MMP2: variants seen among roughly 807,000 people sequenced by gnomAD.
MMP2 encodes 72 kDa type IV collagenase.
MMP2 carries 39 observed loss-of-function variants against 74.8 expected under a neutral mutation model. The ratio of observed to expected loss-of-function variants is 0.52; its 90% confidence interval spans 0.40 to 0.68. The LOEUF (loss-of-function observed/expected upper bound fraction) is 0.68. Ranked by LOEUF, MMP2 falls within the 30% of genes least tolerant of loss-of-function variation. The probability of loss-of-function intolerance (pLI) is 0.00; values close to 1 mark genes in which losing one functional copy is unlikely to be tolerated. For synonymous variants in MMP2, 367 were observed against 339.8 expected, an observed-to-expected ratio of 1.08 and a Z score of -0.88; for missense variants, 803 against 878.3, an observed-to-expected ratio of 0.91 and a Z score of 1.08.
intron 9 of MMP2, among the ~76,000 whole-genome samples, chr16:55,494,871 A>G (rs1445952724): frequency 2.6e-5 from 4 of 152,252 alleles, no homozygotes; most frequent in Non-Finnish European, 5.9e-5. Flanking sequence ...AAGGAGAAGC[A>G]AGAATCTGAT....
In MMP2 at chr16:55,479,324, A is replaced by C. The variant is rs1240606144; in HGVS notation, c.-156A>C. On this transcript the variant is annotated 5_prime_UTR_variant, in exon 1 of 13. It removes an upstream start codon present in the reference 5' UTR. Coordinates refer to ENST00000219070, the MANE Select transcript of MMP2 (RefSeq NM_004530.6). ...GGGGCTGGGGCGCGGGGGCCGGACC[A>C]TGAGCCGCTGAGCCGGGCAAACCCC... The C allele has an allele frequency of 1.4e-5, 12 of 877,806 alleles. No homozygotes were observed. The highest frequency in any genetic ancestry group is 4.5e-6 in the Non-Finnish European group (3 of 664,484). The allele number at this position is 877,806 out of a possible 1,614,324, so 54.4% of individuals were successfully genotyped here. A position where few individuals can be genotyped will look rare whatever the true frequency, so the allele number is the denominator to read the frequency against.
chr16:55,498,079 C>A (rs1349162597), intron 10 of MMP2, among the ~76,000 whole-genome samples: 1 of 152,186 alleles, frequency 6.6e-6, no homozygotes, highest in African/African-American at 2.4e-5. Context: ...TATCCCCCAA[C>A]TCATGTCCTT....
intron 12 of MMP2, among the ~76,000 whole-genome samples, 164 bp from the exon 13 acceptor site, chr16:55,505,175 G>A (rs1397507083): frequency 6.6e-6 from 1 of 151,760 alleles, no homozygotes; most frequent in African/African-American, 2.4e-5. Flanking sequence ...AGCTGGTCTC[G>A]AACTCCTGGG....
At chr16:55,503,083 G>A (rs1296349177) in intron 12 of MMP2, among the ~76,000 whole-genome samples, 195 bp downstream of exon 12, 1 of 152,204 alleles carries the variant, frequency 6.6e-6, no homozygotes, top group Non-Finnish European at 1.5e-5. Flanking sequence ...CTGGCTCCAG[G>A]CAGTAAGACC....
In MMP2 at chr16:55,479,355, A is replaced by G; in HGVS notation, c.-125A>G. 1.7e-6 allele frequency: 2 copies of G among 1,185,358 alleles called. No individual in the cohort carries two copies. The highest frequency in any genetic ancestry group is 2.2e-6 in the Non-Finnish European group (2 of 923,506). The allele number at this position is 1,185,358 out of a possible 1,614,324, so 73.4% of individuals were successfully genotyped here. A position where few individuals can be genotyped will look rare whatever the true frequency, so the allele number is the denominator to read the frequency against. ...CGCTGAGCCGGGCAAACCCCAGGCC[A>G]CCGAGCCAGCGGACCCTCGGAGCGC... On this transcript the variant is annotated 5_prime_UTR_variant, in exon 1 of 13. Coordinates refer to ENST00000219070, the MANE Select transcript of MMP2 (RefSeq NM_004530.6).
At chr16:55,485,260 G>A in intron 3 of MMP2, 39 bp from the exon 4 acceptor site, 1 of 1,613,952 alleles carries the variant, frequency 6.2e-7, no homozygotes, top group Non-Finnish European at 8.5e-7. Context: ...CAGGGTCTAG[G>A]TGGCACAGCT....
chr16:55,485,224 C>A (rs17859885), intron 3 of MMP2, 75 bp from the exon 4 acceptor site: 37,811 of 1,606,728 alleles, frequency 0.024, 544 homozygotes, highest in Non-Finnish European at 0.027. Context: ...ACAGGCTCCA[C>A]ATGTAGATGG....
At position 55,497,182 on chromosome 16, in the gene MMP2, C is replaced by T. The variant is rs559591689; in HGVS notation, c.1609+120C>T. 32 of 1,334,566 alleles carry T rather than the reference C, an allele frequency of 2.4e-5. No homozygotes were observed. In the South Asian group the frequency reaches 3.7e-4, roughly 15 times the overall value. The allele number at this position is 1,334,566 out of a possible 1,614,324, so 82.7% of individuals were successfully genotyped here. On this transcript the variant is annotated intron_variant, in intron 10 of 12. Coordinates refer to ENST00000219070, the MANE Select transcript of MMP2 (RefSeq NM_004530.6). ...AGTTCCTATGCACCCGTGGGTGCTC[C>T]CTTTCCTTTATGGATTCATTCTTTC...
Position 55,502,811 on chromosome 16 carries a change from G to T in MMP2, c.1802G>T (p.Gly601Val), listed in dbSNP as rs142010233. 3.8e-4 allele frequency: 617 copies of T among 1,614,054 alleles called. 4 individuals are homozygous for T. The African/African-American group carries it at 7.8e-3, about 20-fold the overall frequency. ...GAGGTGAAGAAGAAAATGGATCCTG[G>T]CTTCCCCAAGCTCATCGCAGATGCC... is the stretch of plus-strand genomic sequence containing the variant. ...YNEVKKKMDP[G>V]FPKLIADAWN... is the part of the protein sequence containing the mutation. The change falls in exon 12 of 13, where the codon GGC becomes GTC. Residue 601 changes from glycine (G) to valine (V), a missense_variant. Gly to Val is a moderately radical substitution (Grantham distance 109). Coordinates refer to ENST00000219070, the MANE Select transcript of MMP2 (RefSeq NM_004530.6).
At chr16:55,489,606 C>T (rs758063137) in intron 6 of MMP2, 45 bp from the exon 7 acceptor site, 3 of 1,610,544 alleles carry the variant, frequency 1.9e-6, no homozygotes, top group East Asian at 4.5e-5. Flanking sequence ...TGGTGGTAGC[C>T]TCAGACTCTT....
rs759284481 is a variant in MMP2 at position 55,496,939 on chromosome 16, A to T, written c.1486A>T (p.Thr496Ser). Residue 496 changes from threonine (T) to serine (S), a missense_variant, in exon 10 of 13, where the codon ACT becomes TCT. Around this residue, in one of 3 missense-constraint regions of MMP2, gnomAD observed 555 missense variants for 592.0 expected, o/e 0.94. Coordinates refer to ENST00000219070, the MANE Select transcript of MMP2 (RefSeq NM_004530.6). ...GCCTCCTGCCAGGTTCATTTGGCGG[A>T]CTGTGACGCCACGTGACAAGCCCAT... ...FFFKDRFIWR[T>S]VTPRDKPMGP... 24 of 1,613,892 alleles carry T rather than the reference A, an allele frequency of 1.5e-5. No individual in the cohort carries two copies. The highest frequency in any genetic ancestry group is 1.9e-5 in the Non-Finnish European group (23 of 1,180,034).
rs1962224324 is a variant in MMP2, at chr16:55,485,588, C to G, written c.659-16C>G. On this transcript the variant is annotated splice_polypyrimidine_tract_variant and intron_variant, in intron 4 of 12. Transcript: ENST00000219070. Reference sequence around the variant, plus strand: ...CCTGGAGAAGTCCAACCTCCCCCTTCCATGTCACTCTTTAGTGGTCCGTGT... The same window carrying G: ...CCTGGAGAAGTCCAACCTCCCCCTTGCATGTCACTCTTTAGTGGTCCGTGT... 1 of 1,614,064 alleles carries G rather than the reference C, an allele frequency of 6.2e-7. No individual in the cohort carries two copies. The highest frequency in any genetic ancestry group is 8.5e-7 in the Non-Finnish European group (1 of 1,179,956).
chr16:55,500,987 G>A (rs1016816432), intron 11 of MMP2, among the ~76,000 whole-genome samples: 2 of 152,094 alleles, frequency 1.3e-5, no homozygotes, highest in Non-Finnish European at 2.9e-5. Context: ...GAGAGACGGG[G>A]GTCAAAAAAT....
intron 3 of MMP2, 30 bp from the exon 4 acceptor site, chr16:55,485,269 C>G (rs777248964): frequency 5.6e-6 from 9 of 1,614,018 alleles, no homozygotes; most frequent in African/African-American, 1.3e-5. Context: ...GGTGGCACAG[C>G]TAGACGCTAA....
chr16:55,497,931 A>G (rs1180487882), intron 10 of MMP2, among the ~76,000 whole-genome samples: 3 of 152,194 alleles, frequency 2.0e-5, no homozygotes, highest in African/African-American at 4.8e-5. Context: ...ACCTCCCCCA[A>G]TCCACCGTAA....
chr16:55,484,293 T>G, intron 3 of MMP2, 129 bp downstream of exon 3: 12 of 1,093,686 alleles, frequency 1.1e-5, no homozygotes, highest in Middle Eastern at 2.9e-4. Flanking sequence ...GTGTGGGCCC[T>G]GGGGGTGGTT....
chr16:55,505,551 CA>C lies in MMP2; in HGVS notation c.*110del. The C allele has an allele frequency of 1.2e-6, 1 of 864,752 alleles. No homozygotes were observed. The highest frequency in any genetic ancestry group is 2.0e-6 in the Non-Finnish European group (1 of 508,794). 53.6% of individuals were successfully genotyped at this position (864,752 alleles called of 1,614,324 possible). On this transcript the variant is annotated 3_prime_UTR_variant, in exon 13 of 13. Coordinates refer to ENST00000219070, the MANE Select transcript of MMP2 (RefSeq NM_004530.6). ...CCTGGCAGCCGTGCCTTCAGCTCTA[CA>C]GCTAATCAGCATTCTCACTCCTACC...
intron 7 of MMP2, 104 bp downstream of exon 7, chr16:55,489,928 TG>T: frequency 7.5e-7 from 1 of 1,340,970 alleles, no homozygotes; most frequent in Admixed American, 2.0e-5. Flanking sequence ...GCATAGACAC[TG>T]CCCCCCAGAC....
intron 1 of MMP2, chr16:55,479,995 C>CTT (rs1285076418): frequency 3.4e-5 from 10 of 292,130 alleles, no homozygotes; most frequent in Non-Finnish European, 4.4e-5. Context: ...GGGGGGCGGT[C>CTT]TTTGTAAACA....
Sources: gnomAD v4.1 joint callset for allele counts (sites outside exome capture counted in the v4.1 genomes callset) on GRCh38, gnomAD v4.1.1 for gene constraint, gnomAD v4.1.1 regional missense constraint, MANE v1.5 for transcripts, NCBI Gene and HGNC (gene_info 2026-07-23, HGNC 2026-07-21) for gene names.